PITPNA: variants seen among roughly 807,000 people sequenced by gnomAD.
The protein encoded by PITPNA is phosphatidylinositol transfer protein alpha isoform.
A neutral mutation model predicts 50.3 loss-of-function variants in PITPNA; 13 were observed. The ratio of observed to expected loss-of-function variants is 0.26; its 90% CI spans 0.17 to 0.41. The LOEUF (loss-of-function observed/expected upper bound fraction) is 0.41, where lower values mean the gene tolerates loss of function less well. Among genes scored for constraint, PITPNA ranks in the 10% least tolerant of loss-of-function variants. PITPNA has a pLI of 1.00. For synonymous variants in PITPNA, 120 were observed against 119.6 expected (o/e 1.00, Z -0.02); for missense variants, 207 against 333.4 (o/e 0.62, Z 2.95).
intron 7 of PITPNA, among the ~76,000 whole-genome samples, chr17:1,536,531 C>T (rs549893970): frequency 8.6e-5 from 13 of 151,462 alleles, no homozygotes; most frequent in South Asian, 2.1e-4. Context: ...CCTCGTGATC[C>T]GCCCACCTTG....
chr17:1,521,406 G>A (rs1222587319), intron 11 of PITPNA, among the ~76,000 whole-genome samples, 173 bp downstream of exon 11: 4 of 152,050 alleles, frequency 2.6e-5, no homozygotes, highest in African/African-American at 4.8e-5. Flanking sequence ...TCCCTGAAAT[G>A]TCCCAAGGGC....
In PITPNA at chr17:1,533,977, T is replaced by C. The variant is rs950141028; in HGVS notation, c.768+122A>G. ...CGTACTGCCCAGGATACCGTCCCTG[T>C]AGCAGACACTGACGTGTTCCCAGAA... On this transcript the variant is annotated intron_variant, in intron 10 of 11. Transcript: ENST00000313486. 3 of 1,113,380 alleles carry C rather than the reference T, an allele frequency of 2.7e-6. No individual in the cohort carries two copies. In the African/African-American group the frequency reaches 4.7e-5, roughly 17 times the overall value. 69.0% of individuals were successfully genotyped at this position (1,113,380 alleles called of 1,614,324 possible). A position where few individuals can be genotyped will look rare whatever the true frequency, so the allele number is the denominator to read the frequency against.
intron 10 of PITPNA, among the ~76,000 whole-genome samples, chr17:1,531,359 G>A (rs2075581933): frequency 1.3e-5 from 2 of 151,978 alleles, no homozygotes; most frequent in Non-Finnish European, 2.9e-5. Flanking sequence ...CGAGTACCCT[G>A]AGGTAGAGGT....
intron 7 of PITPNA, 53 bp downstream of exon 7, chr17:1,538,816 G>T: frequency 9.1e-7 from 1 of 1,102,796 alleles, no homozygotes; most frequent in South Asian, 1.3e-5. Flanking sequence ...CTTTAGCATT[G>T]AGAAGTCATT....
At chr17:1,528,405 G>C (rs2075560529) in intron 10 of PITPNA, among the ~76,000 whole-genome samples, 1 of 152,168 alleles carries the variant, frequency 6.6e-6, no homozygotes, top group Admixed American at 6.5e-5. Flanking sequence ...GCCTCCCAAA[G>C]TGCTAGGATT....
intron 2 of PITPNA, among the ~76,000 whole-genome samples, chr17:1,557,171 C>T (rs910566495): frequency 6.6e-6 from 1 of 152,092 alleles, no homozygotes; most frequent in African/African-American, 2.4e-5. Flanking sequence ...CCCAAGATCA[C>T]GGTCAAGGCC....
chr17:1,539,070 A>G, intron 6 of PITPNA, 118 bp from the exon 7 acceptor site: 3 of 634,998 alleles, frequency 4.7e-6, no homozygotes, highest in Non-Finnish European at 8.5e-6. Flanking sequence ...ATTCCTAATG[A>G]TAAGTAATTA....
intron 2 of PITPNA, among the ~76,000 whole-genome samples, chr17:1,554,132 A>C (rs776479472): frequency 6.6e-6 from 1 of 152,226 alleles, no homozygotes; most frequent in Non-Finnish European, 1.5e-5. Context: ...CTTCTCTGAG[A>C]AGCTGTCCAG....
chr17:1,560,014 A>G (rs6502781), intron 1 of PITPNA, among the ~76,000 whole-genome samples: 114,562 of 152,106 alleles, frequency 0.75, 43,309 homozygotes, highest in East Asian at 0.9. Flanking sequence ...ATCTTCAAGA[A>G]CAGCAGTCAA....
At chr17:1,557,809 T>C (rs2075743385) in intron 2 of PITPNA, among the ~76,000 whole-genome samples, 1 of 152,236 alleles carries the variant, frequency 6.6e-6, no homozygotes, top group Non-Finnish European at 1.5e-5. Flanking sequence ...AGCAGTCACC[T>C]ATCGTGGCTA....
chr17:1,540,715 A>G (rs572376276), intron 6 of PITPNA, among the ~76,000 whole-genome samples: 2 of 151,808 alleles, frequency 1.3e-5, no homozygotes, highest in East Asian at 3.9e-4. Context: ...CAGCCTCCTG[A>G]GTAGCTGGGA....
chr17:1,530,506 G>A (rs1290918909), intron 10 of PITPNA, among the ~76,000 whole-genome samples: 3 of 152,208 alleles, frequency 2.0e-5, no homozygotes, highest in African/African-American at 7.2e-5. Context: ...ACAGGGACTA[G>A]AGTTACAGCA....
rs1598409010 is a variant in PITPNA, at chr17:1,541,624, T to C, written c.314A>G (p.Glu105Gly). 1 of 1,611,568 alleles carries C rather than the reference T, an allele frequency of 6.2e-7. No homozygotes were observed. Among genetic ancestry groups the C allele is most frequent in the Non-Finnish European group, 8.5e-7 (1 of 1,177,698 alleles). Residue 105 changes from glutamate to glycine, a missense_variant, in exon 6 of 12, where the codon GAA (glutamate) becomes GGA (glycine). Glu to Gly is a moderately conservative substitution (Grantham distance 98). Transcript: ENST00000313486. ...RTVITNEYMKEDFLIKIETWH... is the reference protein window; with the variant it reads ...RTVITNEYMKGDFLIKIETWH... ...GGTTTCAATTTTAATCAGAAAGTCTTCTTTCATGTACTCATTCTGGAAGAA... is the reference window on the plus strand; with the variant it reads ...GGTTTCAATTTTAATCAGAAAGTCTCCTTTCATGTACTCATTCTGGAAGAA...
chr17:1,543,016 T>G lies in PITPNA; in HGVS notation c.297+4A>C. On this transcript the variant is annotated splice_donor_region_variant and intron_variant, in intron 5 of 11. Coordinates refer to ENST00000313486, the MANE Select transcript of PITPNA (RefSeq NM_006224.4). ...ACAGTTCCAACCCCCTTGACAATAC[T>G]TACTGTAATAACTGCTCCGAGGCAA... 1 of 1,587,234 alleles carries G rather than the reference T, an allele frequency of 6.3e-7. No homozygotes were observed. Among genetic ancestry groups the G allele is most frequent in the Non-Finnish European group, 8.5e-7 (1 of 1,170,494 alleles).
intron 7 of PITPNA, among the ~76,000 whole-genome samples, chr17:1,538,170 C>CACATTCCCTATCAGTGGGCAGAGAGTT (rs2075629138): frequency 2.6e-5 from 4 of 152,200 alleles, no homozygotes; most frequent in Non-Finnish European, 5.9e-5. Context: ...AGAGCAAACA[C>CACATTCCCTATCAGTGGGCAGAGAGTT]ACATTCCCTA....
intron 10 of PITPNA, 60 bp downstream of exon 10, chr17:1,534,039 A>G (rs1236533309): frequency 2.6e-5 from 41 of 1,602,920 alleles, no homozygotes; most frequent in Non-Finnish European, 3.4e-5. Flanking sequence ...GCCCCAGCAA[A>G]ACAGTCTCCT....
At chr17:1,529,100 T>G (rs7359661) in intron 10 of PITPNA, among the ~76,000 whole-genome samples, 45,088 of 140,984 alleles carry the variant, frequency 0.32, 7,268 homozygotes, top group East Asian at 0.53. Context: ...ATTGCGCCAC[T>G]GCAGTCCAGC....
chr17:1,553,060 G>C lies in PITPNA; in HGVS notation c.141C>G (p.Pro47=), dbSNP rs1215631641. 1 of 1,613,930 alleles carries C rather than the reference G, an allele frequency of 6.2e-7. No homozygotes were observed. The highest frequency in any genetic ancestry group is 8.5e-7 in the Non-Finnish European group (1 of 1,179,866). ...GGCCTTTCTCACCGTCCTTCTCGTA[G>C]GGCTCATTCACCAGGACCTCCACGC... ...GEGVEVLVNE[P]YEKDGEKGQY... The change falls in exon 3 of 12, where the codon CCC becomes CCG. Residue 47 remains proline, a synonymous_variant. Transcript: ENST00000313486.
intron 10 of PITPNA, among the ~76,000 whole-genome samples, chr17:1,532,254 AT>A (rs1161003528): frequency 6.6e-6 from 1 of 151,700 alleles, no homozygotes; most frequent in Non-Finnish European, 1.5e-5. Flanking sequence ...CGCCTGGCTA[AT>A]TTTTTTTATT....
Sources: allele counts gnomAD v4.1 joint callset (sites outside exome capture counted in the v4.1 genomes callset), GRCh38; gene constraint gnomAD v4.1.1; transcripts MANE v1.5; gene names NCBI Gene and HGNC (gene_info 2026-07-23, HGNC 2026-07-21).